PDLIM5: variants seen among roughly 807,000 people sequenced by gnomAD.
The protein encoded by PDLIM5 is PDZ and LIM domain 5.
Under a neutral mutation model 64.2 loss-of-function variants are expected in PDLIM5, and 34 were observed. That is an observed-to-expected ratio of 0.53 (90% CI 0.40 to 0.71). PDLIM5 has a LOEUF of 0.71. Among genes scored for constraint, PDLIM5 ranks in the 30% least tolerant of loss-of-function variants. The probability of loss-of-function intolerance (pLI) is 0.00; values close to 1 mark genes in which losing one functional copy is unlikely to be tolerated. For missense variants in PDLIM5, 683 were observed against 733.6 expected (o/e 0.93, Z 0.80); for synonymous variants, 253 against 269.1 (o/e 0.94, Z 0.59).
intron 9 of PDLIM5, among the ~76,000 whole-genome samples, chr4:94,648,028 A>G (rs796313534): frequency 2.6e-5 from 4 of 152,334 alleles, no homozygotes; most frequent in African/African-American, 9.6e-5. Flanking sequence ...CTTAGATGGA[A>G]ATTGATAGCT....
intron 9 of PDLIM5, among the ~76,000 whole-genome samples, chr4:94,650,941 A>G (rs1741797654): frequency 6.6e-6 from 1 of 152,120 alleles, no homozygotes; most frequent in Admixed American, 6.5e-5. Flanking sequence ...TTGTCAGTCA[A>G]CATGTACTTA....
intron 3 of PDLIM5, among the ~76,000 whole-genome samples, chr4:94,539,687 A>G (rs935731465): frequency 3.9e-5 from 6 of 152,220 alleles, no homozygotes; most frequent in Non-Finnish European, 7.3e-5. Flanking sequence ...AGAGGAGTCA[A>G]CATGTTCCAG....
At chr4:94,509,172 T>A (rs1197244318) in intron 2 of PDLIM5, among the ~76,000 whole-genome samples, 1 of 152,162 alleles carries the variant, frequency 6.6e-6, no homozygotes, top group Non-Finnish European at 1.5e-5. Flanking sequence ...TCTTTGCTTG[T>A]CCCTCTGCCT....
At chr4:94,536,815 C>T (rs1731358816) in intron 3 of PDLIM5, among the ~76,000 whole-genome samples, 7 of 152,146 alleles carry the variant, frequency 4.6e-5, no homozygotes, top group Admixed American at 4.6e-4. Flanking sequence ...GATTGAAATT[C>T]AAGTCATTCC....
intron 8 of PDLIM5, among the ~76,000 whole-genome samples, chr4:94,632,154 G>C (rs1348919866): frequency 6.6e-6 from 1 of 152,178 alleles, no homozygotes; most frequent in African/African-American, 2.4e-5. Context: ...ATAATTGACT[G>C]TTTACTGGCT....
At chr4:94,461,295 T>C (rs1395641251) in intron 2 of PDLIM5, among the ~76,000 whole-genome samples, 1 of 152,110 alleles carries the variant, frequency 6.6e-6, no homozygotes, top group African/African-American at 2.4e-5. Context: ...AAACTAGATA[T>C]TAGCATGTGA....
chr4:94,507,614 G>A (rs1728500915), intron 2 of PDLIM5, among the ~76,000 whole-genome samples: 1 of 152,130 alleles, frequency 6.6e-6, no homozygotes, highest in Non-Finnish European at 1.5e-5. Context: ...ATTGGTCTCA[G>A]CATTCAATAA....
At position 94,582,652 on chromosome 4, in the gene PDLIM5, C is replaced by T. The variant is rs1327872503; in HGVS notation, c.711-2913C>T. 19 of 982,192 alleles carry T rather than the reference C, an allele frequency of 1.9e-5. 1 individual carries two copies. Among genetic ancestry groups the T allele is most frequent in the South Asian group, 1.3e-4 (9 of 67,422 alleles). 60.8% of individuals were successfully genotyped at this position (982,192 alleles called of 1,614,324 possible). On this transcript the variant is annotated intron_variant, in intron 5 of 12. Coordinates refer to ENST00000317968, the MANE Select transcript of PDLIM5 (RefSeq NM_006457.5). The stretch of plus-strand genomic sequence containing the variant: ...CCCTCTTTGTCTGTTGTTCATCTTC[C>T]GGGGAACATCAATGTCTTCTCTACT...
chr4:94,563,961 T>C (rs1277695788), intron 3 of PDLIM5, among the ~76,000 whole-genome samples: 2 of 147,748 alleles, frequency 1.4e-5, no homozygotes, highest in Non-Finnish European at 3.0e-5. Context: ...TTTCTTTCTT[T>C]TTTTTTTTTT....
rs1023424371 is a variant in PDLIM5, at chr4:94,636,945, G to A, written c.1109-3331G>A. On this transcript the variant is annotated intron_variant, in intron 8 of 12. Transcript: ENST00000317968. ...GAGGAGTGTTACTTCTAGCTGGGGTGGTCAGAGAAGACTTGGGAGAAGAAA... is the reference window on the plus strand; with the variant it reads ...GAGGAGTGTTACTTCTAGCTGGGGTAGTCAGAGAAGACTTGGGAGAAGAAA... Among the ~76,000 whole-genome samples the A allele has an allele frequency of 7.9e-5, 12 of 152,138 alleles. 1 individual carries two copies. Among genetic ancestry groups the A allele is most frequent in the Admixed American group, 7.9e-4 (12 of 15,278 alleles).
At position 94,575,803 on chromosome 4, in the gene PDLIM5, A is replaced by G. The variant is rs778191979; in HGVS notation, c.479A>G (p.His160Arg). ...CCAGCCCATGCGACCACCTCATCACATGCTTCCCCTTCACCCGTGGCTGCC... is the reference window on the plus strand; with the variant it reads ...CCAGCCCATGCGACCACCTCATCACGTGCTTCCCCTTCACCCGTGGCTGCC... The part of the protein sequence containing the change: ...FTPAHATTSS[H>R]ASPSPVAAVT... Residue 160 changes from histidine to arginine, a missense_variant, in exon 5 of 13, where the codon CAT becomes CGT. Physicochemically the swap from His to Arg is conservative, Grantham distance 29. Transcript: ENST00000317968. 1.2e-6 allele frequency: 2 copies of G among 1,613,718 alleles called. No homozygotes were observed. The highest frequency in any genetic ancestry group is 2.7e-5 in the African/African-American group (2 of 74,798).
At chr4:94,466,213 C>T (rs1375065061) in intron 2 of PDLIM5, among the ~76,000 whole-genome samples, 1 of 152,166 alleles carries the variant, frequency 6.6e-6, no homozygotes, top group Admixed American at 6.5e-5. Flanking sequence ...TGTGATCCTC[C>T]CATCTCAGCC....
At chr4:94,616,338 T>C (rs1738784577) in intron 7 of PDLIM5, among the ~76,000 whole-genome samples, 1 of 152,228 alleles carries the variant, frequency 6.6e-6, no homozygotes, top group African/African-American at 2.4e-5. Flanking sequence ...GTAATTATCC[T>C]TTTAATATGT....
intron 2 of PDLIM5, chr4:94,455,895 T>A: frequency 7.0e-7 from 1 of 1,432,112 alleles, no homozygotes; most frequent in Non-Finnish European, 9.5e-7. Flanking sequence ...AATGAAGGGC[T>A]TGGAGCTCCA....
intron 8 of PDLIM5, among the ~76,000 whole-genome samples, chr4:94,624,668 G>T (rs921739359): frequency 6.6e-6 from 1 of 152,170 alleles, no homozygotes; most frequent in African/African-American, 2.4e-5. Flanking sequence ...TGTAGTCAAC[G>T]ACCCTTGAAC....
intron 5 of PDLIM5, chr4:94,584,843 A>C: frequency 3.2e-6 from 2 of 617,924 alleles, no homozygotes; most frequent in Non-Finnish European, 5.8e-6. Context: ...TACAGTGAAC[A>C]ATACAAATAA....
intron 2 of PDLIM5, among the ~76,000 whole-genome samples, chr4:94,512,824 A>G (rs1472202276): frequency 1.3e-5 from 2 of 152,186 alleles, no homozygotes; most frequent in South Asian, 2.1e-4. Context: ...AATGTCCTGG[A>G]GAGTTTCTCC....
At chr4:94,612,577 G>A (rs1390928649) in intron 7 of PDLIM5, among the ~76,000 whole-genome samples, 1 of 152,186 alleles carries the variant, frequency 6.6e-6, no homozygotes, top group Admixed American at 6.5e-5. Flanking sequence ...TTTATGGACT[G>A]ACTGTGCTAT....
intron 8 of PDLIM5, among the ~76,000 whole-genome samples, chr4:94,627,479 T>C (rs1356590629): frequency 6.6e-6 from 1 of 152,248 alleles, no homozygotes; most frequent in Non-Finnish European, 1.5e-5. Flanking sequence ...TTTGTTCATA[T>C]ATGCTTTTCA....
Sources: gnomAD v4.1 joint callset for allele counts (sites outside exome capture counted in the v4.1 genomes callset) on GRCh38, gnomAD v4.1.1 for gene constraint, MANE v1.5 for transcripts, NCBI Gene and HGNC (gene_info 2026-07-23, HGNC 2026-07-21) for gene names.